CDH11: variants seen among roughly 807,000 people sequenced by gnomAD.
The protein encoded by CDH11 is cadherin 11, also known as cadherin-11.
A neutral mutation model predicts 67.8 loss-of-function variants in CDH11; 11 were observed. That is an observed-to-expected ratio of 0.16 (90% CI 0.10 to 0.27). CDH11 has a LOEUF of 0.27. Among genes scored for constraint, CDH11 ranks in the 10% least tolerant of loss-of-function variants. The pLI, the probability that CDH11 is intolerant of heterozygous loss-of-function variation, is 1.00. For missense variants in CDH11, 847 were observed against 1,031.2 expected (o/e 0.82, Z 2.45); for synonymous variants, 419 against 400.0 (o/e 1.05, Z -0.57).
intron 3 of CDH11, among the ~76,000 whole-genome samples, chr16:65,001,771 T>A (rs1300248514): frequency 1.3e-5 from 2 of 148,302 alleles, no homozygotes; most frequent in Non-Finnish European, 3.0e-5. Context: ...CTTACTAGGC[T>A]CCACACACAC....
chr16:64,992,145 G>A (rs2142493132), intron 5 of CDH11, among the ~76,000 whole-genome samples: 1 of 152,204 alleles, frequency 6.6e-6, no homozygotes, highest in East Asian at 1.9e-4. Flanking sequence ...TACAGCATTT[G>A]TATTTATGTT....
chr16:65,053,899 A>T lies in CDH11; in HGVS notation c.-268T>A, dbSNP rs1456402166. Reference sequence around the variant, plus strand: ...AAATGACAACACGAAGGAATGTCACAGGGCCGCTGAGCTGAAAACACAGTG... The same window carrying T: ...AAATGACAACACGAAGGAATGTCACTGGGCCGCTGAGCTGAAAACACAGTG... On this transcript the variant is annotated 5_prime_UTR_variant, in exon 2 of 13. Transcript: ENST00000268603. 2 of 455,960 alleles carry T rather than the reference A, an allele frequency of 4.4e-6. No individual in the cohort carries two copies. The highest frequency in any genetic ancestry group is 4.7e-5 in the Admixed American group (2 of 42,550). 28.2% of individuals were successfully genotyped at this position (455,960 alleles called of 1,614,324 possible). A position where few individuals can be genotyped will look rare whatever the true frequency, so the allele number is the denominator to read the frequency against.
At chr16:65,041,501 T>C (rs2073867704) in intron 2 of CDH11, among the ~76,000 whole-genome samples, 1 of 152,220 alleles carries the variant, frequency 6.6e-6, no homozygotes, top group South Asian at 2.1e-4. Flanking sequence ...GTCTTATGCC[T>C]TGATACTGTC....
Position 65,048,890 on chromosome 16 carries a change from A to C in CDH11, c.-173+4914T>G, listed in dbSNP as rs901060133. 3.9e-5 allele frequency among the ~76,000 whole-genome samples: 6 copies of C among 152,266 alleles called. No homozygotes were observed. The South Asian group carries it at 6.2e-4, about 16-fold the overall frequency. On this transcript the variant is annotated intron_variant, in intron 2 of 12. Coordinates refer to ENST00000268603, the MANE Select transcript of CDH11 (RefSeq NM_001797.4). ...ACAGTCATAAAAAAAGAATGAAATC[A>C]TATCTTTTGCAACAACATAGATGAA...
rs139802151 is a variant in CDH11, at chr16:65,076,453, G to A, written c.-297-22525C>T. Among the ~76,000 whole-genome samples, 650 of 152,286 alleles carry A rather than the reference G, an allele frequency of 4.3e-3. 7 individuals are homozygous for A. The highest frequency in any genetic ancestry group is 0.015 in the African/African-American group (609 of 41,556). ...TAACCTCATAGATGTCTCATGGCCT[G>A]AAGAAAAGGAGACTGGGTGGAGAAA... is the stretch of plus-strand genomic sequence containing the variant. On this transcript the variant is annotated intron_variant, in intron 1 of 12. Transcript: ENST00000268603.
At chr16:65,028,198 A>T (rs2073570753) in intron 2 of CDH11, among the ~76,000 whole-genome samples, 1 of 152,118 alleles carries the variant, frequency 6.6e-6, no homozygotes, top group Non-Finnish European at 1.5e-5. Context: ...ACCATGACTG[A>T]CCGCTGCTCT....
chr16:65,061,751 C>T (rs2074238668), intron 1 of CDH11, among the ~76,000 whole-genome samples: 2 of 152,166 alleles, frequency 1.3e-5, no homozygotes, highest in Admixed American at 6.5e-5. Flanking sequence ...TTCTCTATCC[C>T]CCAGGAGCTG....
chr16:65,062,142 T>C (rs752955149), intron 1 of CDH11, among the ~76,000 whole-genome samples: 1 of 152,188 alleles, frequency 6.6e-6, no homozygotes, highest in Non-Finnish European at 1.5e-5. Flanking sequence ...TGCATCACTT[T>C]ACCAGGCTAC....
chr16:65,010,021 G>A (rs1051555540), intron 2 of CDH11, among the ~76,000 whole-genome samples: 1 of 152,176 alleles, frequency 6.6e-6, no homozygotes, highest in Non-Finnish European at 1.5e-5. Context: ...ATTGTTATTG[G>A]GTGGAGAATG....
chr16:65,051,812 C>T (rs940493238), intron 2 of CDH11, among the ~76,000 whole-genome samples: 1 of 152,178 alleles, frequency 6.6e-6, no homozygotes, highest in Non-Finnish European at 1.5e-5. Context: ...CTTACCTCTC[C>T]TTCCACCATG....
intron 11 of CDH11, 71 bp downstream of exon 11, chr16:64,971,508 T>C: frequency 3.6e-6 from 3 of 826,792 alleles, no homozygotes; most frequent in Non-Finnish European, 6.1e-6. Flanking sequence ...AAAATACTTG[T>C]GCTATGCAAT....
rs185581093 is a variant in CDH11 at position 65,035,124 on chromosome 16, C to T, written c.-173+18680G>A. Among the ~76,000 whole-genome samples, 448 of 152,284 alleles carry T rather than the reference C, an allele frequency of 2.9e-3. 2 individuals carry two copies. The highest frequency in any genetic ancestry group is 0.011 in the African/African-American group (442 of 41,552). The stretch of plus-strand genomic sequence containing the variant: ...GCTGGGAACCCAGCGAGAGGAGGAA[C>T]CCTGACTTGTTTCAGTGAGAGGCTC... On this transcript the variant is annotated intron_variant, in intron 2 of 12. Coordinates refer to ENST00000268603, the MANE Select transcript of CDH11 (RefSeq NM_001797.4).
intron 11 of CDH11, among the ~76,000 whole-genome samples, chr16:64,963,074 C>T (rs1285767705): frequency 1.3e-5 from 2 of 152,122 alleles, no homozygotes; most frequent in Non-Finnish European, 2.9e-5. Context: ...AAAGGCAGAA[C>T]AAAAAATCCT....
intron 2 of CDH11, among the ~76,000 whole-genome samples, chr16:65,010,963 ATATG>A (rs1283148173): frequency 8.0e-6 from 1 of 125,606 alleles, no homozygotes; most frequent in African/African-American, 2.6e-5. Flanking sequence ...ATATATATAT[ATATG>A]TGTTTATATA....
At chr16:65,100,762 G>A (rs917421035) in intron 1 of CDH11, among the ~76,000 whole-genome samples, 57 of 150,044 alleles carry the variant, frequency 3.8e-4, no homozygotes, top group African/African-American at 1.4e-3. Context: ...AAGAAAGAAA[G>A]AAAAAGAAAA....
intron 11 of CDH11, among the ~76,000 whole-genome samples, chr16:64,961,172 T>A (rs964877597): frequency 2.6e-5 from 4 of 152,072 alleles, no homozygotes; most frequent in Non-Finnish European, 5.9e-5. Flanking sequence ...TAGAATTTGA[T>A]GAAAGCCACA....
At chr16:65,010,952 C>CATATAT (rs200372447) in intron 2 of CDH11, among the ~76,000 whole-genome samples, 1 of 135,874 alleles carries the variant, frequency 7.4e-6, no homozygotes, top group Non-Finnish European at 1.6e-5. Flanking sequence ...ATATGTGTGA[C>CATATAT]ATATATATAT....
intron 2 of CDH11, among the ~76,000 whole-genome samples, chr16:65,048,841 C>T (rs968052029): frequency 6.6e-5 from 10 of 151,904 alleles, no homozygotes; most frequent in Admixed American, 3.3e-4. Context: ...TCACGAAATA[C>T]TACACAGCCA....
intron 3 of CDH11, among the ~76,000 whole-genome samples, chr16:65,000,557 G>A (rs1161996584): frequency 6.6e-6 from 1 of 152,186 alleles, no homozygotes; most frequent in Non-Finnish European, 1.5e-5. Flanking sequence ...AGCACTTTGG[G>A]ACGCTGAGGC....
Sources: allele counts gnomAD v4.1 joint callset (sites outside exome capture counted in the v4.1 genomes callset), GRCh38; gene constraint gnomAD v4.1.1; transcripts MANE v1.5; gene names NCBI Gene and HGNC (gene_info 2026-07-23, HGNC 2026-07-21).